The following ADARB2 variants were observed in gnomAD, a reference collection of about 807,000 sequenced individuals.
ADARB2 encodes the protein inactive double-stranded RNA-specific editase B2.
Under a neutral mutation model 62.2 loss-of-function variants are expected in ADARB2, and 25 were observed. The observed-to-expected ratio is 0.40, with a 90% CI of 0.29 to 0.56. ADARB2 has a LOEUF of 0.56. Among genes scored for constraint, ADARB2 ranks in the 20% least tolerant of loss-of-function variants. The probability of loss-of-function intolerance (pLI) is 0.43; values close to 1 mark genes in which losing one functional copy is unlikely to be tolerated. For missense variants in ADARB2, 1,071 were observed against 1,077.4 expected, an observed-to-expected ratio of 0.99 and a Z score of 0.08; for synonymous variants, 572 against 500.8, an observed-to-expected ratio of 1.14 and a Z score of -1.90.
chr10:1,345,714 C>T (rs1218091114), intron 3 of ADARB2, among the ~76,000 whole-genome samples: 1 of 152,176 alleles, frequency 6.6e-6, no homozygotes, highest in African/African-American at 2.4e-5. Context: ...GGGTCATGTA[C>T]AGAATCCACA....
At chr10:1,321,614 G>A (rs562259035) in intron 3 of ADARB2, among the ~76,000 whole-genome samples, 1 of 152,238 alleles carries the variant, frequency 6.6e-6, no homozygotes, top group African/African-American at 2.4e-5. Flanking sequence ...CAAATTCCCT[G>A]CCTTAAACAA....
intron 1 of ADARB2, among the ~76,000 whole-genome samples, chr10:1,731,656 CTT>C (rs1193337463): frequency 6.6e-6 from 1 of 152,162 alleles, no homozygotes; most frequent in Non-Finnish European, 1.5e-5. Context: ...GGAGAAAAAA[CTT>C]TTAATTGTAC....
chr10:1,302,580 C>T (rs1219942500), intron 3 of ADARB2, among the ~76,000 whole-genome samples: 2 of 152,180 alleles, frequency 1.3e-5, no homozygotes, highest in Non-Finnish European at 2.9e-5. Context: ...GGGCAGGGCA[C>T]AGACAAACAA....
intron 1 of ADARB2, among the ~76,000 whole-genome samples, chr10:1,649,201 GA>G (rs200034583): frequency 4.0e-5 from 6 of 151,586 alleles, no homozygotes; most frequent in Admixed American, 2.6e-4. Flanking sequence ...ATGAAATTCA[GA>G]AAAAAAAGAA....
intron 2 of ADARB2, among the ~76,000 whole-genome samples, chr10:1,371,278 A>G (rs1712600327): frequency 6.6e-6 from 1 of 152,248 alleles, no homozygotes; most frequent in African/African-American, 2.4e-5. Context: ...CTCTCACCAT[A>G]TACAAAAATT....
chr10:1,434,661 C>G (rs12415561), intron 1 of ADARB2, among the ~76,000 whole-genome samples: 28,748 of 152,128 alleles, frequency 0.19, 3,189 homozygotes, highest in East Asian at 0.44. Context: ...GATTTAGCAG[C>G]AGACAAGATA....
At chr10:1,510,121 T>TTTCTTTCTTTCTTTCTTTCTTTC (rs1831912158) in intron 1 of ADARB2, among the ~76,000 whole-genome samples, 2 of 115,680 alleles carry the variant, frequency 1.7e-5, no homozygotes, top group African/African-American at 7.2e-5. Flanking sequence ...TCTTTCTTTC[T>TTTCTTTCTTTCTTTCTTTCTTTC]TTCTTTCTTT....
chr10:1,468,873 T>G (rs1235878578), intron 1 of ADARB2, among the ~76,000 whole-genome samples: 1 of 152,208 alleles, frequency 6.6e-6, no homozygotes, highest in Non-Finnish European at 1.5e-5. Flanking sequence ...AATTGTTGAA[T>G]TTGAAAGCTT....
At chr10:1,639,895 A>AAC (rs1833959765) in intron 1 of ADARB2, among the ~76,000 whole-genome samples, 1 of 144,752 alleles carries the variant, frequency 6.9e-6, no homozygotes, top group African/African-American at 2.5e-5. Flanking sequence ...CAAACAAACA[A>AAC]AAACATGAAG....
At chr10:1,656,428 C>T (rs1421689183) in intron 1 of ADARB2, among the ~76,000 whole-genome samples, 1 of 151,922 alleles carries the variant, frequency 6.6e-6, no homozygotes, top group African/African-American at 2.4e-5. Flanking sequence ...TCATATTGTG[C>T]TAATTTTACA....
At chr10:1,441,418 C>T (rs954137211) in intron 1 of ADARB2, among the ~76,000 whole-genome samples, 1 of 152,188 alleles carries the variant, frequency 6.6e-6, no homozygotes, top group Admixed American at 6.5e-5. Context: ...GAGACAACTT[C>T]TCAGAGGAAA....
intron 1 of ADARB2, among the ~76,000 whole-genome samples, chr10:1,422,508 G>T (rs1170865833): frequency 6.6e-6 from 1 of 152,176 alleles, no homozygotes; most frequent in Non-Finnish European, 1.5e-5. Context: ...AGTGCCCTGT[G>T]GCTGAGCTGA....
At chr10:1,199,259 C>T (rs1228797562) in intron 8 of ADARB2, among the ~76,000 whole-genome samples, 1 of 152,170 alleles carries the variant, frequency 6.6e-6, no homozygotes, top group Admixed American at 6.5e-5. Context: ...GGAGTCGCCT[C>T]CTGTCAGTGT....
chr10:1,539,993 AC>A (rs1363296353), intron 1 of ADARB2, among the ~76,000 whole-genome samples: 1 of 152,172 alleles, frequency 6.6e-6, no homozygotes, highest in Non-Finnish European at 1.5e-5. Context: ...TGACAAGTGA[AC>A]AAAAACCAAT....
intron 6 of ADARB2, among the ~76,000 whole-genome samples, chr10:1,230,566 ATC>A (rs1321666855): frequency 6.6e-6 from 1 of 152,182 alleles, no homozygotes; most frequent in Non-Finnish European, 1.5e-5. Flanking sequence ...AGCTTAAAGC[ATC>A]TCTCTGCAGG....
intron 7 of ADARB2, among the ~76,000 whole-genome samples, chr10:1,214,370 C>T (rs369278940): frequency 7.5e-6 from 1 of 133,858 alleles, no homozygotes; most frequent in Non-Finnish European, 1.6e-5. Context: ...CATGGGTTTG[C>T]ACCTGTGCCT....
chr10:1,331,674 G>A (rs553491228), intron 3 of ADARB2, among the ~76,000 whole-genome samples: 1 of 152,306 alleles, frequency 6.6e-6, no homozygotes, highest in South Asian at 2.1e-4. Flanking sequence ...GCAGAACACT[G>A]TGAATATAGT....
At position 1,183,161 on chromosome 10, in the gene ADARB2, C is replaced by T. The variant is rs1589144406; in HGVS notation, c.*32G>A. ...GACACGGTCCCATCCCTCCAGCGTC[C>T]CGCTCAGCTCCAGCAGCCAGGAGCC... On this transcript the variant is annotated 3_prime_UTR_variant, in exon 10 of 10. Coordinates refer to ENST00000381312, the MANE Select transcript of ADARB2 (RefSeq NM_018702.4). 6.2e-7 allele frequency: 1 copy of T among 1,607,030 alleles called. No individual in the cohort carries two copies. Among genetic ancestry groups the T allele is most frequent in the Non-Finnish European group, 8.5e-7 (1 of 1,176,158 alleles).
chr10:1,200,368 A>G (rs1025408299), intron 7 of ADARB2: 2 of 599,712 alleles, frequency 3.3e-6, no homozygotes, highest in Non-Finnish European at 6.0e-6. Context: ...TGTGCTAACA[A>G]ATGCTGCTCT....
Sources: gnomAD v4.1 joint callset for allele counts (sites outside exome capture counted in the v4.1 genomes callset) on GRCh38, gnomAD v4.1.1 for gene constraint, MANE v1.5 for transcripts, NCBI Gene and HGNC (gene_info 2026-07-23, HGNC 2026-07-21) for gene names.